The following SLC38A4 variants were observed in gnomAD, a reference collection of about 807,000 sequenced individuals.
The protein encoded by SLC38A4 is sodium-coupled neutral amino acid transporter 4.
A neutral mutation model predicts 63.1 loss-of-function variants in SLC38A4; 20 were observed. The observed-to-expected ratio is 0.32, with a 90% CI of 0.22 to 0.46. SLC38A4 has a LOEUF of 0.46. SLC38A4 is among the 20% of genes least tolerant of loss of function. The pLI, the probability that SLC38A4 is intolerant of heterozygous loss-of-function variation, is 1.00. For missense variants in SLC38A4, 526 were observed against 663.6 expected, an observed-to-expected ratio of 0.79 and a Z score of 2.28; for synonymous variants, 230 against 225.5, an observed-to-expected ratio of 1.02 and a Z score of -0.18.
chr12:46,765,396 G>T lies in SLC38A4; in HGVS notation c.*1305C>A. On this transcript the variant is annotated 3_prime_UTR_variant, in exon 17 of 17. Coordinates refer to ENST00000266579, the MANE Select transcript of SLC38A4 (RefSeq NM_018018.5). Reference sequence around the variant, plus strand: ...AATGAATGTCAGCAAACACCTGTGTGAGCTAAACTGAACTAAATCCTATTT... The same window carrying T: ...AATGAATGTCAGCAAACACCTGTGTTAGCTAAACTGAACTAAATCCTATTT... 1 of 309,728 alleles carries T rather than the reference G, an allele frequency of 3.2e-6. No homozygotes were observed. The highest frequency in any genetic ancestry group is 6.2e-6 in the Non-Finnish European group (1 of 160,362). The allele number at this position is 309,728 out of a possible 1,614,324, so 19.2% of individuals were successfully genotyped here.
upstream of SLC38A4, among the ~76,000 whole-genome samples, chr12:46,826,876 C>A (rs1282545669): frequency 2.0e-5 from 3 of 152,026 alleles, no homozygotes; most frequent in East Asian, 5.8e-4. Context: ...TTTGCAAAGG[C>A]CTTTAGTAGG....
At chr12:46,775,422 T>C (rs1015210301) in intron 13 of SLC38A4, among the ~76,000 whole-genome samples, 3 of 152,040 alleles carry the variant, frequency 2.0e-5, no homozygotes, top group Admixed American at 6.6e-5. Context: ...CTCATTTACA[T>C]TGTGATAAAT....
chr12:46,794,596 A>T (rs1394215581), intron 2 of SLC38A4, among the ~76,000 whole-genome samples: 1 of 151,958 alleles, frequency 6.6e-6, no homozygotes, highest in Non-Finnish European at 1.5e-5. Flanking sequence ...AACTCAGCTG[A>T]AGGAAGACTT....
chr12:46,829,465 G>T (rs1264201494), upstream of SLC38A4, among the ~76,000 whole-genome samples: 1 of 150,278 alleles, frequency 6.7e-6, no homozygotes. Context: ...AAAAAGGAGG[G>T]TTAAGGTTCT....
intron 10 of SLC38A4, 71 bp from the exon 11 acceptor site, chr12:46,778,847 T>TACAC (rs2120774862): frequency 6.9e-7 from 1 of 1,439,700 alleles, no homozygotes; most frequent in East Asian, 2.3e-5. Flanking sequence ...AGAATCCATA[T>TACAC]GTGTGGCTTA....
intron 14 of SLC38A4, among the ~76,000 whole-genome samples, chr12:46,772,583 C>T (rs1006428388): frequency 7.2e-5 from 11 of 152,078 alleles, no homozygotes; most frequent in Non-Finnish European, 1.5e-5. Context: ...AAATGTTGGG[C>T]TGCTAGTGAA....
In SLC38A4 at chr12:46,766,714, G is replaced by A. The variant is rs1353622007; in HGVS notation, c.1631C>T (p.Ser544Phe). ...IIDWIYDPPNSKHH is the reference protein window; with the variant it reads ...IIDWIYDPPNFKHH ...TTTTTCCTTGTGTTAGTGATGCTTG[G>A]AATTTGGAGGATCATAAATCCAGTC... Residue 544 changes from serine to phenylalanine, a missense_variant, in exon 17 of 17, where the codon TCC becomes TTC. By Grantham distance (155) the Ser-to-Phe change is radical. Transcript: ENST00000266579. 1 of 1,607,938 alleles carries A rather than the reference G, an allele frequency of 6.2e-7. No homozygotes were observed. The highest frequency in any genetic ancestry group is 1.7e-5 in the Admixed American group (1 of 59,752).
intron 1 of SLC38A4, among the ~76,000 whole-genome samples, chr12:46,806,434 G>A (rs1170259670): frequency 6.6e-6 from 1 of 151,912 alleles, no homozygotes; most frequent in Non-Finnish European, 1.5e-5. Flanking sequence ...TGTGGAGGTG[G>A]TGGTGGAGGT....
intron 2 of SLC38A4, among the ~76,000 whole-genome samples, chr12:46,795,837 A>G (rs1938991289): frequency 6.6e-6 from 1 of 152,054 alleles, no homozygotes; most frequent in African/African-American, 2.4e-5. Flanking sequence ...AGGATTTCAG[A>G]ATTTTTATCC....
At chr12:46,808,953 C>T (rs1939288713) in intron 1 of SLC38A4, among the ~76,000 whole-genome samples, 1 of 151,998 alleles carries the variant, frequency 6.6e-6, no homozygotes, top group Admixed American at 6.6e-5. Flanking sequence ...GGTTGACTCT[C>T]TAGTTCATAG....
chr12:46,807,015 A>G (rs1381638425), intron 1 of SLC38A4, among the ~76,000 whole-genome samples: 1 of 151,904 alleles, frequency 6.6e-6, no homozygotes, highest in Non-Finnish European at 1.5e-5. Context: ...AAAATCTTAG[A>G]CCATCATGGT....
chr12:46,768,940 C>T (rs912214950), intron 15 of SLC38A4, among the ~76,000 whole-genome samples: 4 of 152,092 alleles, frequency 2.6e-5, no homozygotes, highest in Non-Finnish European at 5.9e-5. Context: ...TATCAGAGAG[C>T]TTCTGGCAGG....
At chr12:46,800,899 T>G (rs911590786) in intron 2 of SLC38A4, among the ~76,000 whole-genome samples, 2 of 152,132 alleles carry the variant, frequency 1.3e-5, no homozygotes, top group African/African-American at 2.4e-5. Flanking sequence ...GAAATGAAAA[T>G]TCTCTCCTCT....
intron 14 of SLC38A4, among the ~76,000 whole-genome samples, chr12:46,772,350 G>A (rs1178736711): frequency 6.6e-6 from 1 of 152,044 alleles, no homozygotes; most frequent in African/African-American, 2.4e-5. Flanking sequence ...ATTATAAGAT[G>A]AAATACAAGT....
At chr12:46,787,692 T>G (rs1938791573) in intron 5 of SLC38A4, among the ~76,000 whole-genome samples, 1 of 152,180 alleles carries the variant, frequency 6.6e-6, no homozygotes, top group Non-Finnish European at 1.5e-5. Flanking sequence ...TTCAAGTATT[T>G]ACTGAATAAC....
intron 1 of SLC38A4, among the ~76,000 whole-genome samples, chr12:46,813,941 G>A (rs961837766): frequency 6.6e-6 from 1 of 151,978 alleles, no homozygotes; most frequent in African/African-American, 2.4e-5. Flanking sequence ...AATTGTCTCT[G>A]ACTTCAATAC....
intron 7 of SLC38A4, among the ~76,000 whole-genome samples, chr12:46,782,768 A>G (rs1056578869): frequency 1.3e-5 from 2 of 151,292 alleles, no homozygotes; most frequent in African/African-American, 4.9e-5. Flanking sequence ...TAGCCTTTGT[A>G]AGGTAATTTT....
intron 3 of SLC38A4, among the ~76,000 whole-genome samples, chr12:46,791,202 A>G (rs1938881008): frequency 6.6e-6 from 1 of 152,204 alleles, no homozygotes; most frequent in African/African-American, 2.4e-5. Context: ...AAGGAGAAGT[A>G]ATAAAAAAGT....
chr12:46,828,867 A>C (rs1441064315), upstream of SLC38A4, among the ~76,000 whole-genome samples: 1 of 152,196 alleles, frequency 6.6e-6, no homozygotes, highest in Non-Finnish European at 1.5e-5. Flanking sequence ...CAGTGGAAGA[A>C]AGAACTAAGA....
Sources: allele counts gnomAD v4.1 joint callset (sites outside exome capture counted in the v4.1 genomes callset), GRCh38; gene constraint gnomAD v4.1.1; transcripts MANE v1.5; gene names NCBI Gene and HGNC (gene_info 2026-07-23, HGNC 2026-07-21).